Variants in RTL4 observed in about 807,000 individuals in gnomAD.
RTL4 encodes retrotransposon Gag like 4.
Under a neutral mutation model 5.3 loss-of-function variants are expected in RTL4, and 4 were observed. That is an observed-to-expected ratio of 0.75 (90% CI 0.37 to 1.72). The LOEUF is 1.72. Among genes scored for constraint, RTL4 ranks in the 40% most tolerant of loss-of-function variants. The pLI is 0.04. For synonymous variants in RTL4, 98 were observed against 87.3 expected, an observed-to-expected ratio of 1.12 and a Z score of -0.68; for missense variants, 260 against 227.1, an observed-to-expected ratio of 1.14 and a Z score of -0.93.
chrX:112,329,804 A>G, the RTL4 span, among the ~76,000 whole-genome samples: 1 of 111,477 alleles, frequency 9.0e-6, no homozygotes, highest in South Asian at 3.8e-4. Context: ...CAAAAAGCTT[A>G]TCCACCAAGA....
the RTL4 span, among the ~76,000 whole-genome samples, chrX:112,142,067 A>G: frequency 1.8e-5 from 2 of 112,536 alleles, no homozygotes; most frequent in East Asian, 5.6e-4. Context: ...GTACTTGCCA[A>G]CACTAAATAA....
At chrX:112,382,447 A>G in the RTL4 span, among the ~76,000 whole-genome samples, 1 of 111,560 alleles carries the variant, frequency 9.0e-6, no homozygotes, top group Non-Finnish European at 1.9e-5. Context: ...TTAATAAGCT[A>G]TTCCACAAAC....
chrX:112,415,528 A>G, the RTL4 span, among the ~76,000 whole-genome samples: 1 of 111,232 alleles, frequency 9.0e-6, no homozygotes, highest in Non-Finnish European at 1.9e-5. Context: ...ATGCATTTCT[A>G]TTGGATATAT....
At chrX:112,227,972 C>A in the RTL4 span, among the ~76,000 whole-genome samples, 1 of 111,499 alleles carries the variant, frequency 9.0e-6, no homozygotes, top group Non-Finnish European at 1.9e-5. Context: ...CAGAACAGCT[C>A]CCTGAATTTC....
chrX:112,367,322 A>ATTT, the RTL4 span, among the ~76,000 whole-genome samples: 4 of 111,611 alleles, frequency 3.6e-5, no homozygotes, highest in Non-Finnish European at 3.8e-5. Context: ...GATAACTAAA[A>ATTT]AGAACCAAGA....
chrX:112,386,209 C>T, the RTL4 span, among the ~76,000 whole-genome samples: 71 of 111,574 alleles, frequency 6.4e-4, no homozygotes, highest in African/African-American at 2.2e-3. Flanking sequence ...GGGTAAATGG[C>T]GTGTCCATTA....
the RTL4 span, among the ~76,000 whole-genome samples, chrX:112,413,097 T>C: frequency 8.9e-6 from 1 of 111,869 alleles, no homozygotes; most frequent in African/African-American, 3.2e-5. Flanking sequence ...AACAGGCATA[T>C]GAAAAGATGC....
chrX:112,091,120 T>C, the RTL4 span, among the ~76,000 whole-genome samples: 7 of 111,753 alleles, frequency 6.3e-5, no homozygotes, highest in Non-Finnish European at 1.9e-5. Context: ...ATTTCTGATT[T>C]TATAATTTGA....
the RTL4 span, among the ~76,000 whole-genome samples, chrX:112,338,716 G>C: frequency 9.0e-6 from 1 of 111,569 alleles, no homozygotes; most frequent in African/African-American, 3.3e-5. Context: ...CTAGTCCCAT[G>C]ATTTCATTGT....
At chrX:112,404,499 T>G in the RTL4 span, among the ~76,000 whole-genome samples, 29 of 112,109 alleles carry the variant, frequency 2.6e-4, no homozygotes, top group South Asian at 3.7e-4. Flanking sequence ...CCCCTTCTTA[T>G]GCCTGCCTGC....
the RTL4 span, among the ~76,000 whole-genome samples, chrX:112,447,135 C>T: frequency 2.7e-5 from 3 of 111,792 alleles, no homozygotes; most frequent in Non-Finnish European, 3.8e-5. Context: ...AACACTAGAG[C>T]AAGTAATATG....
the RTL4 span, among the ~76,000 whole-genome samples, chrX:112,332,191 G>A: frequency 9.1e-6 from 1 of 110,124 alleles, no homozygotes; most frequent in Non-Finnish European, 1.9e-5. Context: ...AACAGGTGCT[G>A]AAGAGGATGT....
the RTL4 span, among the ~76,000 whole-genome samples, chrX:112,426,015 C>T: frequency 9.0e-6 from 1 of 111,626 alleles, no homozygotes; most frequent in African/African-American, 3.2e-5. Flanking sequence ...TATCCAAGGT[C>T]ATAAAGGTTT....
At chrX:112,163,612 G>C in the RTL4 span, among the ~76,000 whole-genome samples, 3 of 111,991 alleles carry the variant, frequency 2.7e-5, no homozygotes, top group Admixed American at 2.8e-4. Flanking sequence ...GTCACATTTG[G>C]AGTGAAAATT....
At chrX:112,212,214 A>C in the RTL4 span, among the ~76,000 whole-genome samples, 1 of 110,820 alleles carries the variant, frequency 9.0e-6, no homozygotes, top group Non-Finnish European at 1.9e-5. Context: ...GTGTCTACTA[A>C]AAATACAAAA....
At chrX:112,328,282 C>A in the RTL4 span, among the ~76,000 whole-genome samples, 1 of 110,642 alleles carries the variant, frequency 9.0e-6, no homozygotes, top group African/African-American at 3.3e-5. Flanking sequence ...CAGAGACACA[C>A]ATAGGCTCAA....
the RTL4 span, among the ~76,000 whole-genome samples, chrX:112,169,553 G>A: frequency 1.8e-5 from 2 of 111,476 alleles, no homozygotes. Flanking sequence ...CGAGACTTGT[G>A]GCACCAGAGT....
chrX:112,130,266 G>A, the RTL4 span, among the ~76,000 whole-genome samples: 16 of 103,870 alleles, frequency 1.5e-4, no homozygotes, highest in Non-Finnish European at 2.0e-4. Context: ...TTTTTGAGAC[G>A]GAGTCGATTT....
the RTL4 span, among the ~76,000 whole-genome samples, chrX:112,346,676 A>G: frequency 9.0e-6 from 1 of 111,330 alleles, no homozygotes; most frequent in African/African-American, 3.3e-5. Flanking sequence ...AATACTTCGG[A>G]TGTGTGTAAA....
Sources: gnomAD v4.1 joint callset for allele counts (sites outside exome capture counted in the v4.1 genomes callset) on GRCh38, gnomAD v4.1.1 for gene constraint, MANE v1.5 for transcripts, NCBI Gene and HGNC (gene_info 2026-07-23, HGNC 2026-07-21) for gene names.